FLT3: variants seen among roughly 807,000 people sequenced by gnomAD.
FLT3 encodes fms related receptor tyrosine kinase 3, also known as receptor-type tyrosine-protein kinase FLT3.
A neutral mutation model predicts 126.6 loss-of-function variants in FLT3; 46 were observed. That is an observed-to-expected ratio of 0.36 (90% CI 0.29 to 0.46). The LOEUF (loss-of-function observed/expected upper bound fraction) is 0.46, where lower values mean the gene tolerates loss of function less well. Among genes scored for constraint, FLT3 ranks in the 20% least tolerant of loss-of-function variants. The pLI, the probability that FLT3 is intolerant of heterozygous loss-of-function variation, is 1.00. For synonymous variants in FLT3, 404 were observed against 434.4 expected (o/e 0.93, Z 0.87); for missense variants, 1,069 against 1,190.3 (o/e 0.90, Z 1.50).
chr13:28,046,505 A>G (rs942355326), intron 9 of FLT3, among the ~76,000 whole-genome samples: 1 of 152,244 alleles, frequency 6.6e-6, no homozygotes, highest in Non-Finnish European at 1.5e-5. Context: ...GAAGCAGGTG[A>G]AATTAAGTTT....
chr13:28,033,152 C>A (rs1181501483), intron 15 of FLT3, among the ~76,000 whole-genome samples: 79 of 138,324 alleles, frequency 5.7e-4, no homozygotes, highest in Admixed American at 7.8e-4. Context: ...ACCGTATCTA[C>A]AAAAAAAAAA....
At chr13:28,066,555 A>G (rs1877057879) in intron 2 of FLT3, among the ~76,000 whole-genome samples, 1 of 152,252 alleles carries the variant, frequency 6.6e-6, no homozygotes, top group Non-Finnish European at 1.5e-5. Context: ...GTAGTTCCTA[A>G]TGGCCAAAGC....
At chr13:28,093,831 G>C (rs961415857) in intron 1 of FLT3, among the ~76,000 whole-genome samples, 1 of 152,018 alleles carries the variant, frequency 6.6e-6, no homozygotes, top group Non-Finnish European at 1.5e-5. Flanking sequence ...ATTATACTTT[G>C]AGGGCAGGAA....
At chr13:28,057,748 A>G (rs1876136646) in intron 3 of FLT3, among the ~76,000 whole-genome samples, 2 of 152,114 alleles carry the variant, frequency 1.3e-5, no homozygotes, top group Non-Finnish European at 2.9e-5. Context: ...CCATCTAAAA[A>G]CACACAGGAG....
intron 19 of FLT3, among the ~76,000 whole-genome samples, chr13:28,022,376 C>T (rs1007636383): frequency 2.6e-5 from 4 of 151,862 alleles, no homozygotes; most frequent in African/African-American, 9.7e-5. Flanking sequence ...GCCAGGCATG[C>T]TGGTATGCAC....
intron 23 of FLT3, among the ~76,000 whole-genome samples, chr13:28,008,311 A>G: frequency 6.9e-6 from 1 of 144,792 alleles, no homozygotes; most frequent in Non-Finnish European, 1.5e-5. Context: ...AAAAAAGGTT[A>G]GCTATTGATT....
At chr13:28,081,470 C>T (rs1334888538) in intron 1 of FLT3, among the ~76,000 whole-genome samples, 2 of 152,176 alleles carry the variant, frequency 1.3e-5, no homozygotes, top group Non-Finnish European at 2.9e-5. Context: ...TGCAAACTTA[C>T]AGAACTCACT....
intron 1 of FLT3, among the ~76,000 whole-genome samples, chr13:28,080,279 G>A (rs1456223924): frequency 6.6e-6 from 1 of 152,246 alleles, no homozygotes; most frequent in East Asian, 1.9e-4. Context: ...AGGAGGCTGA[G>A]GCACCAGAAT....
At chr13:28,077,408 G>T (rs1171337519) in intron 1 of FLT3, among the ~76,000 whole-genome samples, 4 of 152,148 alleles carry the variant, frequency 2.6e-5, no homozygotes, top group African/African-American at 9.7e-5. Context: ...AAATGAGGAA[G>T]CAGCAAAAGC....
At position 28,003,923 on chromosome 13, in the gene FLT3, G is replaced by A. The variant is rs1299016633; in HGVS notation, c.*129C>T. ...CAAGAGTAAACGCAGACAGCTTCTA[G>A]AGAAAAGTCTGGTGAAGCAGCAGTT... On this transcript the variant is annotated 3_prime_UTR_variant, in exon 24 of 24. Coordinates refer to ENST00000241453, the MANE Select transcript of FLT3 (RefSeq NM_004119.3). The A allele has an allele frequency of 9.3e-7, 1 of 1,069,656 alleles. No homozygotes were observed. The highest frequency in any genetic ancestry group is 1.4e-6 in the Non-Finnish European group (1 of 726,750). 66.3% of individuals were successfully genotyped at this position (1,069,656 alleles called of 1,614,324 possible). A position where few individuals can be genotyped will look rare whatever the true frequency, so the allele number is the denominator to read the frequency against.
chr13:28,055,184 C>A (rs200382761), intron 4 of FLT3, among the ~76,000 whole-genome samples: 1 of 152,180 alleles, frequency 6.6e-6, no homozygotes, highest in South Asian at 2.1e-4. Flanking sequence ...AATCAGAAAC[C>A]GAGATCAAGG....
At chr13:28,070,821 T>C (rs926906599) in intron 1 of FLT3, among the ~76,000 whole-genome samples, 1 of 152,118 alleles carries the variant, frequency 6.6e-6, no homozygotes, top group Admixed American at 6.6e-5. Flanking sequence ...AATAAAACAG[T>C]CTGCAGTGAT....
rs140262057 is a variant in FLT3, at chr13:28,099,393, C to T, written c.43+1075G>A. ...TCTTTGTTTTTCAACTCTTTTCCCC[C>T]GATTTCCATTTTTTACTTTTTATAT... On this transcript the variant is annotated intron_variant, in intron 1 of 23. Transcript: ENST00000241453. Among the ~76,000 whole-genome samples the T allele has an allele frequency of 4.3e-3, 660 of 152,290 alleles. 2 individuals carry two copies. The highest frequency in any genetic ancestry group is 7.2e-3 in the Non-Finnish European group (487 of 68,018).
intron 1 of FLT3, among the ~76,000 whole-genome samples, chr13:28,079,208 C>T (rs1354575308): frequency 2.0e-5 from 3 of 152,178 alleles, no homozygotes; most frequent in African/African-American, 7.2e-5. Flanking sequence ...AGGACAAGGG[C>T]AAAATGCCTC....
rs546042643 is a variant in FLT3 at position 28,088,054 on chromosome 13, T to G, written c.43+12414A>C. ...CTTGTTCCTTGTTTGTCTAGTAAAT[T>G]TATAACTGGGTGTCAGACATTGTGA... On this transcript the variant is annotated intron_variant, in intron 1 of 23. Coordinates refer to ENST00000241453, the MANE Select transcript of FLT3 (RefSeq NM_004119.3). Among the ~76,000 whole-genome samples the G allele has an allele frequency of 2.6e-5, 4 of 152,356 alleles. 1 individual carries two copies. Among genetic ancestry groups the G allele is most frequent in the African/African-American group, 9.6e-5 (4 of 41,580 alleles).
intron 20 of FLT3, among the ~76,000 whole-genome samples, chr13:28,017,721 G>GGT: frequency 6.7e-6 from 1 of 148,158 alleles, no homozygotes; most frequent in South Asian, 2.2e-4. Flanking sequence ...CTGGAGTGCA[G>GGT]TGGCGCGATC....
chr13:28,015,289 A>G (rs1871741832), intron 21 of FLT3, 33 bp from the exon 22 acceptor site: 1 of 1,323,596 alleles, frequency 7.6e-7, no homozygotes, highest in Non-Finnish European at 1.1e-6. Context: ...GCAGCCATTC[A>G]TCCATTTCTT....
rs139442627 is a variant in FLT3, at chr13:28,049,271, T to G, written c.1036+113A>C. 305 of 976,526 alleles carry G rather than the reference T, an allele frequency of 3.1e-4. No homozygotes were observed. The African/African-American group carries it at 4.6e-3, about 15-fold the overall frequency. The allele number at this position is 976,526 out of a possible 1,614,324, so 60.5% of individuals were successfully genotyped here. A position where few individuals can be genotyped will look rare whatever the true frequency, so the allele number is the denominator to read the frequency against. On this transcript the variant is annotated intron_variant, in intron 8 of 23. Coordinates refer to ENST00000241453, the MANE Select transcript of FLT3 (RefSeq NM_004119.3). ...AAGCTATTCTAACTCAGTTTCTTTC[T>G]TAGTGTTTGATAGTAGCATTATATT... is the stretch of plus-strand genomic sequence containing the variant.
At chr13:28,014,694 T>C (rs570582806) in intron 22 of FLT3, 137 bp from the exon 23 acceptor site, 6 of 616,768 alleles carry the variant, frequency 9.7e-6, no homozygotes, top group African/African-American at 7.4e-5. Context: ...GCAAGTCCTC[T>C]ACCAGATTTT....
Sources: gnomAD v4.1 joint callset for allele counts (sites outside exome capture counted in the v4.1 genomes callset) on GRCh38, gnomAD v4.1.1 for gene constraint, MANE v1.5 for transcripts, NCBI Gene and HGNC (gene_info 2026-07-23, HGNC 2026-07-21) for gene names.